The following KSR2 variants were observed in gnomAD, a reference collection of about 807,000 sequenced individuals.
The protein encoded by KSR2 is kinase suppressor of ras 2.
KSR2 carries 25 observed loss-of-function variants against 107.8 expected under a neutral mutation model. That is an observed-to-expected ratio of 0.23 (90% CI 0.17 to 0.32). KSR2 has a LOEUF of 0.32. Among genes scored for constraint, KSR2 ranks in the 10% least tolerant of loss-of-function variants. The pLI is 1.00. For missense variants in KSR2, 887 were observed against 1,268.9 expected (o/e 0.70, Z 4.57); for synonymous variants, 480 against 507.0 (o/e 0.95, Z 0.71).
chr12:117,960,938 T>C (rs546986468), intron 1 of KSR2, among the ~76,000 whole-genome samples: 2 of 152,046 alleles, frequency 1.3e-5, no homozygotes, highest in East Asian at 1.9e-4. Context: ...TAGCTGGGAC[T>C]ATAGGCACGT....
intron 15 of KSR2, 83 bp from the exon 16 acceptor site, chr12:117,484,632 C>G (rs1016293366): frequency 7.0e-7 from 1 of 1,435,546 alleles, no homozygotes; most frequent in African/African-American, 1.4e-5. Flanking sequence ...CATTCCTTGT[C>G]CTGAAGACTT....
intron 1 of KSR2, among the ~76,000 whole-genome samples, chr12:117,963,293 A>G (rs375796869): frequency 2.6e-5 from 4 of 152,340 alleles, no homozygotes; most frequent in East Asian, 1.9e-4. Flanking sequence ...TGCAGGGTCC[A>G]CAAAGCCTAA....
At chr12:117,789,459 C>G (rs1890185665) in intron 3 of KSR2, among the ~76,000 whole-genome samples, 1 of 152,172 alleles carries the variant, frequency 6.6e-6, no homozygotes, top group South Asian at 2.1e-4. Flanking sequence ...ATGTATCCAC[C>G]AGGGAAAACT....
At chr12:117,793,340 C>A (rs571187254) in intron 3 of KSR2, among the ~76,000 whole-genome samples, 65 of 143,832 alleles carry the variant, frequency 4.5e-4, no homozygotes, top group South Asian at 1.2e-3. Context: ...CACACATACA[C>A]ACCAGCATGC....
At chr12:117,962,907 C>T (rs140709847) in intron 1 of KSR2, among the ~76,000 whole-genome samples, 39 of 148,828 alleles carry the variant, frequency 2.6e-4, no homozygotes, top group African/African-American at 7.7e-4. Context: ...CCACCAGGCC[C>T]GGCTTGATGG....
chr12:117,767,257 C>CAAA (rs1203613217), intron 3 of KSR2, among the ~76,000 whole-genome samples: 142 of 119,982 alleles, frequency 1.2e-3, no homozygotes, highest in African/African-American at 4.4e-3. Flanking sequence ...ACTAAAAATC[C>CAAA]AAAAAAAAAA....
At chr12:117,873,456 TG>T (rs1893719695) in intron 1 of KSR2, among the ~76,000 whole-genome samples, 1 of 133,762 alleles carries the variant, frequency 7.5e-6, no homozygotes, top group Non-Finnish European at 1.5e-5. Context: ...AAGATGTTCA[TG>T]GTGCTTTTTT....
chr12:117,760,464 T>A (rs187999441), intron 4 of KSR2, among the ~76,000 whole-genome samples: 70 of 152,356 alleles, frequency 4.6e-4, no homozygotes, highest in African/African-American at 1.5e-3. Context: ...ATATTATAAT[T>A]TTGATATATT....
At chr12:117,527,344 C>T (rs909677000) in intron 12 of KSR2, among the ~76,000 whole-genome samples, 2 of 131,906 alleles carry the variant, frequency 1.5e-5, no homozygotes, top group Non-Finnish European at 3.1e-5. Flanking sequence ...CACACACACA[C>T]ACAGACACAC....
intron 4 of KSR2, among the ~76,000 whole-genome samples, chr12:117,759,787 G>A (rs1201356934): frequency 1.3e-5 from 2 of 152,150 alleles, no homozygotes; most frequent in Admixed American, 1.3e-4. Context: ...TGTCTTCAAG[G>A]TTCACTCATG....
At chr12:117,705,149 A>C (rs1053309292) in intron 4 of KSR2, among the ~76,000 whole-genome samples, 1 of 152,142 alleles carries the variant, frequency 6.6e-6, no homozygotes, top group South Asian at 2.1e-4. Context: ...TGAATGCTAC[A>C]GAAGGGCAGT....
chr12:117,872,975 C>T (rs1005538498), intron 1 of KSR2, among the ~76,000 whole-genome samples: 1 of 152,104 alleles, frequency 6.6e-6, no homozygotes, highest in Non-Finnish European at 1.5e-5. Context: ...CACAAGGCCA[C>T]GTGGCAGGAA....
intron 5 of KSR2, among the ~76,000 whole-genome samples, chr12:117,606,205 T>C (rs910999692): frequency 6.6e-6 from 1 of 152,128 alleles, no homozygotes; most frequent in Non-Finnish European, 1.5e-5. Context: ...CAAGCAGATA[T>C]AGACAGTTTC....
chr12:117,960,254 T>C (rs1317396215), intron 1 of KSR2, among the ~76,000 whole-genome samples: 1 of 152,212 alleles, frequency 6.6e-6, no homozygotes, highest in Non-Finnish European at 1.5e-5. Context: ...CTTTTTGTTT[T>C]GGTTGATTTT....
At chr12:117,943,743 C>T (rs1422683241) in intron 1 of KSR2, among the ~76,000 whole-genome samples, 1 of 152,070 alleles carries the variant, frequency 6.6e-6, no homozygotes, top group Admixed American at 6.6e-5. Context: ...GGCTGTGTCC[C>T]CACCCAAATC....
intron 7 of KSR2, among the ~76,000 whole-genome samples, chr12:117,576,347 A>G (rs1289381869): frequency 6.6e-6 from 1 of 152,284 alleles, no homozygotes; most frequent in South Asian, 2.1e-4. Flanking sequence ...GGAGAAAATC[A>G]GTCAGCCTGG....
rs573603034 is a variant in KSR2, at chr12:117,746,818, A to G, written c.986+14193T>C. Among the ~76,000 whole-genome samples, 12 of 75,552 alleles carry G rather than the reference A, an allele frequency of 1.6e-4. 1 individual carries two copies. In the East Asian group the frequency reaches 7.1e-3, roughly 45 times the overall value. 49.6% of individuals were successfully genotyped at this position (75,552 alleles called of 152,430 possible). ...GAAGACATTTATGCAGCCAAAAAAC[A>G]TATAAAAAAAAAAAGCTCATCGTCA... On this transcript the variant is annotated intron_variant, in intron 4 of 19. Coordinates refer to ENST00000339824, the MANE Select transcript of KSR2 (RefSeq NM_173598.6).
At chr12:117,818,527 G>A (rs969566513) in intron 3 of KSR2, among the ~76,000 whole-genome samples, 2 of 152,218 alleles carry the variant, frequency 1.3e-5, no homozygotes, top group African/African-American at 4.8e-5. Context: ...TTGGCTCAGA[G>A]GTTTGAGCTC....
chr12:117,710,463 C>T (rs1886720529), intron 4 of KSR2, among the ~76,000 whole-genome samples: 1 of 152,156 alleles, frequency 6.6e-6, no homozygotes. Flanking sequence ...CTGGGGTACT[C>T]ACACCTCCCT....
Sources: allele counts gnomAD v4.1 joint callset (sites outside exome capture counted in the v4.1 genomes callset), GRCh38; gene constraint gnomAD v4.1.1; transcripts MANE v1.5; gene names NCBI Gene and HGNC (gene_info 2026-07-23, HGNC 2026-07-21).